ODF2: variants seen among roughly 807,000 people sequenced by gnomAD.
ODF2 encodes the protein outer dense fiber protein 2.
In ODF2, 47 loss-of-function variants were observed where a neutral mutation model predicts 110.2. The ratio of observed to expected loss-of-function variants is 0.43; its 90% CI spans 0.34 to 0.54. ODF2 has a LOEUF of 0.54. Ranked by LOEUF, ODF2 falls within the 20% of genes least tolerant of loss-of-function variation. ODF2 has a pLI of 0.03. For synonymous variants in ODF2, 352 were observed against 397.7 expected (o/e 0.89, Z 1.37); for missense variants, 812 against 1,054.5 (o/e 0.77, Z 3.19).
intron 4 of ODF2, among the ~76,000 whole-genome samples, chr9:128,465,189 T>G (rs868495599): frequency 1.3e-5 from 2 of 152,284 alleles, no homozygotes; most frequent in South Asian, 4.1e-4. Context: ...ACAGTAGCTG[T>G]CTTTTCTGCT....
At chr9:128,477,984 T>A (rs1342185774) in intron 8 of ODF2, among the ~76,000 whole-genome samples, 1 of 151,952 alleles carries the variant, frequency 6.6e-6, no homozygotes, top group East Asian at 1.9e-4. Flanking sequence ...CTCCCTCCCC[T>A]CAGAGGGAAG....
At chr9:128,486,865 A>T (rs1843461188) in intron 13 of ODF2, among the ~76,000 whole-genome samples, 1 of 152,152 alleles carries the variant, frequency 6.6e-6, no homozygotes, top group African/African-American at 2.4e-5. Context: ...GCCCTGCTGG[A>T]GAGGAATGCC....
chr9:128,474,398 C>T (rs1163664062), intron 8 of ODF2, among the ~76,000 whole-genome samples: 10 of 152,080 alleles, frequency 6.6e-5, no homozygotes, highest in Admixed American at 6.6e-4. Context: ...GAGGTTGAGG[C>T]AGGAGAATTG....
At chr9:128,500,377 C>T in exon 21 of ODF2, 1 of 891,480 alleles carries the variant, frequency 1.1e-6, no homozygotes. Context: ...GGGTCTTGTC[C>T]TTAGCTACTA....
intron 4 of ODF2, among the ~76,000 whole-genome samples, chr9:128,466,753 G>A (rs1481324651): frequency 2.7e-5 from 4 of 148,990 alleles, no homozygotes; most frequent in African/African-American, 7.3e-5. Context: ...CGAGGCGGGC[G>A]GATCACAAGG....
chr9:128,466,699 C>T (rs1211047591), intron 4 of ODF2, among the ~76,000 whole-genome samples: 6 of 148,774 alleles, frequency 4.0e-5, no homozygotes, highest in Admixed American at 6.7e-5. Context: ...GTCATGTGGC[C>T]GGGCGTGGTG....
intron 3 of ODF2, 85 bp downstream of exon 2, chr9:128,459,742 C>T: frequency 7.1e-6 from 7 of 983,050 alleles, no homozygotes; most frequent in Non-Finnish European, 7.9e-6. Flanking sequence ...GTGCCTTACC[C>T]TGCTGGGCAC....
chr9:128,500,897 C>T (rs1229512763), downstream of ODF2: 1 of 152,122 alleles, frequency 6.6e-6, no homozygotes, highest in Non-Finnish European at 1.5e-5. Context: ...TGATTTGTAT[C>T]TCTGGAATGC....
intron 5 of ODF2, among the ~76,000 whole-genome samples, chr9:128,470,909 G>A (rs1839828857): frequency 1.5e-5 from 1 of 68,614 alleles, no homozygotes; most frequent in African/African-American, 6.2e-5. Context: ...TTATTTTTTT[G>A]TTTTTGTTTT....
At chr9:128,471,247 G>A in intron 5 of ODF2, 61 bp from the exon 6 acceptor site, 7 of 1,510,964 alleles carry the variant, frequency 4.6e-6, no homozygotes, top group South Asian at 1.3e-5. Flanking sequence ...ATTGAGCCTA[G>A]CAATGTGGCA....
chr9:128,494,462 C>T lies in ODF2; in HGVS notation c.1753-48C>T, dbSNP rs77428744. 9.3e-4 allele frequency: 1,473 copies of T among 1,585,458 alleles called. 15 individuals are homozygous for T. The African/African-American group carries it at 0.018, about 19-fold the overall frequency. ...TGGCTCCACTAGGAGCCAGGTCTTTCCTAACTGTGGGTCTTTCCTTCCTGT... is the reference window on the plus strand; with the variant it reads ...TGGCTCCACTAGGAGCCAGGTCTTTTCTAACTGTGGGTCTTTCCTTCCTGT... On this transcript the variant is annotated intron_variant, in intron 16 of 20. Coordinates refer to ENST00000604420, the Ensembl canonical transcript of ODF2. This position sits in a 1 kb window ranked among gnomAD's most constrained non-coding sequence, Gnocchi z 4.6.
At chr9:128,457,272 C>A in exon 2 of ODF2, 11 of 1,601,716 alleles carry the variant, frequency 6.9e-6, no homozygotes, top group Non-Finnish European at 8.5e-6. Context: ...CCAAAGCTTC[C>A]ACCCTTCTCC....
chr9:128,463,703 T>A (rs2131548064), intron 4 of ODF2, among the ~76,000 whole-genome samples: 1 of 152,372 alleles, frequency 6.6e-6, no homozygotes, highest in South Asian at 2.1e-4. Context: ...TGTGTCCATG[T>A]ATAAACGCAT....
rs889352788 is a variant in ODF2 at position 128,496,406 on chromosome 9, G to C, written c.2012+265G>C. Reference sequence around the variant, plus strand: ...AGGCACCACCTGTCCCAAAAGGCATGCCTGGTCCAGGCCTGCCAGGAGGGC... The same window carrying C: ...AGGCACCACCTGTCCCAAAAGGCATCCCTGGTCCAGGCCTGCCAGGAGGGC... On this transcript the variant is annotated intron_variant, in intron 18 of 20. Transcript: ENST00000604420. The C allele has an allele frequency of 5.6e-6, 7 of 1,250,424 alleles. No homozygotes were observed. The African/African-American group carries it at 1.1e-4, about 19-fold the overall frequency. The allele number at this position is 1,250,424 out of a possible 1,614,324, so 77.5% of individuals were successfully genotyped here.
exon 6 of ODF2, chr9:128,471,434 A>G: frequency 6.2e-7 from 1 of 1,613,586 alleles, no homozygotes; most frequent in Non-Finnish European, 8.5e-7. Context: ...GAGGCACAAC[A>G]TCGAGCGCAT....
At position 128,462,604 on chromosome 9, in the gene ODF2, GT is replaced by G. The variant is rs1350029190; in HGVS notation, c.249+1550del. On this transcript the variant is annotated intron_variant, in intron 4 of 20. Coordinates refer to ENST00000604420, the Ensembl canonical transcript of ODF2. ...AAGAGTACAGGGATTTTGTTTTTTT[GT>G]TTTTTTTTTTTTGAGACGGAGTCTC... Among the ~76,000 whole-genome samples, 871 of 140,210 alleles carry G rather than the reference GT, an allele frequency of 6.2e-3. 7 individuals are homozygous for G. The highest frequency in any genetic ancestry group is 0.017 in the African/African-American group (660 of 38,512). 92.0% of individuals were successfully genotyped at this position (140,210 alleles called of 152,430 possible). A position where few individuals can be genotyped will look rare whatever the true frequency, so the allele number is the denominator to read the frequency against.
intron 8 of ODF2, 82 bp from the exon 9 acceptor site, chr9:128,481,498 G>T: frequency 8.9e-7 from 1 of 1,124,390 alleles, no homozygotes; most frequent in Non-Finnish European, 1.3e-6. Context: ...ACAATTTTTG[G>T]AAAAGGTAAA....
At chr9:128,469,598 T>C in intron 5 of ODF2, 1 of 512,306 alleles carries the variant, frequency 2.0e-6, no homozygotes, top group South Asian at 2.5e-5. Flanking sequence ...TGGTCCAATT[T>C]GAATTTTTAC....
exon 12 of ODF2, chr9:128,484,810 C>T (rs1394865458): frequency 1.9e-6 from 3 of 1,613,816 alleles, no homozygotes; most frequent in Non-Finnish European, 2.5e-6. Context: ...TTGAAGAAGG[C>T]CATCCGAGCC....
Sources: allele counts gnomAD v4.1 joint callset (sites outside exome capture counted in the v4.1 genomes callset), GRCh38; gene constraint gnomAD v4.1.1; non-coding constraint Gnocchi (gnomAD v3.1); transcripts MANE v1.5; gene names NCBI Gene and HGNC (gene_info 2026-07-23, HGNC 2026-07-21).